FRY: variants seen among roughly 807,000 people sequenced by gnomAD.
FRY encodes protein furry homolog.
Under a neutral mutation model 348.4 loss-of-function variants are expected in FRY, and 128 were observed. The observed-to-expected ratio is 0.37, with a 90% CI of 0.32 to 0.43. The LOEUF (loss-of-function observed/expected upper bound fraction) is 0.43, where lower values mean the gene tolerates loss of function less well. Among genes scored for constraint, FRY ranks in the 20% least tolerant of loss-of-function variants. The pLI, the probability that FRY is intolerant of heterozygous loss-of-function variation, is 1.00. For synonymous variants in FRY, 1,370 were observed against 1,374.7 expected (o/e 1.00, Z 0.08); for missense variants, 2,736 against 3,695.2 (o/e 0.74, Z 6.73).
At chr13:32,262,545 C>T (rs2138547461) in intron 53 of FRY, 70 bp downstream of exon 53, 2 of 1,214,310 alleles carry the variant, frequency 1.6e-6, no homozygotes, top group East Asian at 4.6e-5. Flanking sequence ...TTCCAATTTT[C>T]TGAGAATTCT....
intron 1 of FRY, among the ~76,000 whole-genome samples, chr13:32,032,084 G>C (rs1228656440): frequency 6.7e-6 from 1 of 149,122 alleles, no homozygotes; most frequent in Non-Finnish European, 1.5e-5. Flanking sequence ...AAATGTCAGA[G>C]ACTGAACTAG....
At chr13:32,189,628 AAGAG>A (rs1382971393) in intron 28 of FRY, among the ~76,000 whole-genome samples, 2 of 152,016 alleles carry the variant, frequency 1.3e-5, no homozygotes, top group African/African-American at 2.4e-5. Flanking sequence ...TCAATCAAGA[AAGAG>A]AGAGTGACTT....
At chr13:32,295,081 A>G in intron 60 of FRY, 121 bp from the exon 61 acceptor site, 1 of 839,516 alleles carries the variant, frequency 1.2e-6, no homozygotes, top group Non-Finnish European at 2.0e-6. Flanking sequence ...TACCTGATAC[A>G]GGAATTCCAT....
chr13:32,243,927 TA>T (rs140654677), intron 46 of FRY, 114 bp from the exon 47 acceptor site: 9 of 1,220,316 alleles, frequency 7.4e-6, no homozygotes, highest in Non-Finnish European at 1.1e-5. Flanking sequence ...CCCCATCTCC[TA>T]AAAAAATAAA....
intron 1 of FRY, among the ~76,000 whole-genome samples, chr13:32,078,480 T>C (rs1875256108): frequency 6.6e-6 from 1 of 152,160 alleles, no homozygotes; most frequent in African/African-American, 2.4e-5. Context: ...TTCCCATATA[T>C]GTTTTCTACC....
In FRY at chr13:32,208,881, C is replaced by A; in HGVS notation, c.4047C>A (p.His1349Gln). The change falls in exon 32 of 61, where the codon CAC becomes CAA. Residue 1349 changes from histidine to glutamine, a missense_variant. Physicochemically the swap from His to Gln is conservative, Grantham distance 24. This residue lies in a region of FRY where 794 missense variants were observed against 977.0 expected (regional missense o/e 0.81). Transcript: ENST00000542859. ...SEVSQRFPTT[H>Q]PNGRQIMLTY... ...TAAGCCAGCGATTCCCCACAACACACCCCAACGGGCGCCAGATCATGCTTA... is the reference window on the plus strand; with the variant it reads ...TAAGCCAGCGATTCCCCACAACACAACCCAACGGGCGCCAGATCATGCTTA... 6.2e-7 allele frequency: 1 copy of A among 1,614,168 alleles called. No individual in the cohort carries two copies. Among genetic ancestry groups the A allele is most frequent in the Non-Finnish European group, 8.5e-7 (1 of 1,180,008 alleles).
At chr13:32,175,891 G>A (rs1044655362) in intron 20 of FRY, among the ~76,000 whole-genome samples, 9 of 152,248 alleles carry the variant, frequency 5.9e-5, no homozygotes, top group Middle Eastern at 6.8e-3. Context: ...GGATTCTTAA[G>A]GAAAATTACT....
In FRY at chr13:32,102,027, T is replaced by C. The variant is rs187314929; in HGVS notation, c.324+11T>C. 7.4e-5 allele frequency: 106 copies of C among 1,434,718 alleles called. No homozygotes were observed. Among genetic ancestry groups the C allele is most frequent in the Admixed American group, 2.2e-4 (13 of 59,810 alleles). 88.9% of individuals were successfully genotyped at this position (1,434,718 alleles called of 1,614,324 possible). A position where few individuals can be genotyped will look rare whatever the true frequency, so the allele number is the denominator to read the frequency against. On this transcript the variant is annotated intron_variant, in intron 3 of 60. Coordinates refer to ENST00000542859, the MANE Select transcript of FRY (RefSeq NM_023037.3). ...CCCCAATTTGATCAGGTATGTGATA[T>C]ATATGTTATATACTAGTTTTCCTTT...
chr13:32,054,424 C>CA (rs34132802), intron 1 of FRY, among the ~76,000 whole-genome samples: 88,331 of 150,462 alleles, frequency 0.59, 26,410 homozygotes, highest in Non-Finnish European at 0.65. Flanking sequence ...AAAACTAGAC[C>CA]AAAAAAAAAT....
At chr13:32,111,261 G>T (rs1349758125) in intron 3 of FRY, among the ~76,000 whole-genome samples, 1 of 152,096 alleles carries the variant, frequency 6.6e-6, no homozygotes, top group African/African-American at 2.4e-5. Context: ...GCTGAGGCAG[G>T]TGGCTCATTT....
intron 31 of FRY, among the ~76,000 whole-genome samples, chr13:32,204,853 TAC>T (rs1884260498): frequency 6.6e-6 from 1 of 152,192 alleles, no homozygotes; most frequent in African/African-American, 2.4e-5. Context: ...GTTTCAGAAA[TAC>T]AGAGGGAAAT....
At chr13:32,197,389 C>T (rs1161360344) in intron 29 of FRY, among the ~76,000 whole-genome samples, 4 of 152,102 alleles carry the variant, frequency 2.6e-5, no homozygotes, top group Non-Finnish European at 5.9e-5. Context: ...TTCATAAATC[C>T]CAATCACACT....
intron 29 of FRY, among the ~76,000 whole-genome samples, chr13:32,199,479 G>A (rs368700778): frequency 6.6e-6 from 1 of 152,174 alleles, no homozygotes; most frequent in African/African-American, 2.4e-5. Flanking sequence ...CATTGAAGGA[G>A]TATTTTGATG....
At chr13:32,231,873 C>T (rs1885934958) in intron 41 of FRY, among the ~76,000 whole-genome samples, 1 of 152,212 alleles carries the variant, frequency 6.6e-6, no homozygotes, top group African/African-American at 2.4e-5. Context: ...AATCCGGTTT[C>T]TCAACATGTT....
intron 2 of FRY, among the ~76,000 whole-genome samples, chr13:32,087,426 C>T (rs1023608332): frequency 1.3e-5 from 2 of 152,190 alleles, no homozygotes; most frequent in Admixed American, 1.3e-4. Context: ...CTCCTGTTAC[C>T]CCTAAAGTTA....
At chr13:32,051,832 A>G (rs1009032586) in intron 1 of FRY, among the ~76,000 whole-genome samples, 4 of 152,246 alleles carry the variant, frequency 2.6e-5, no homozygotes, top group Non-Finnish European at 4.4e-5. Flanking sequence ...ATATTCAGAA[A>G]GAATGAAGAT....
chr13:32,200,552 A>C (rs1382928279), intron 29 of FRY, among the ~76,000 whole-genome samples: 1 of 152,168 alleles, frequency 6.6e-6, no homozygotes, highest in Non-Finnish European at 1.5e-5. Context: ...ATGCCACTGC[A>C]CTCCAGCCTG....
chr13:32,102,075 A>T (rs571180086), intron 3 of FRY, 59 bp downstream of exon 3: 1 of 932,348 alleles, frequency 1.1e-6, no homozygotes, highest in African/African-American at 1.6e-5. Context: ...ACGCAAGGCA[A>T]GGTCTGCATG....
intron 29 of FRY, among the ~76,000 whole-genome samples, chr13:32,195,214 T>C (rs1243555629): frequency 6.6e-6 from 1 of 152,200 alleles, no homozygotes; most frequent in African/African-American, 2.4e-5. Context: ...ACATTTCATA[T>C]CTAAAGGTTT....
Sources: allele counts gnomAD v4.1 joint callset (sites outside exome capture counted in the v4.1 genomes callset), GRCh38; gene constraint gnomAD v4.1.1; regional missense constraint gnomAD v4.1.1; transcripts MANE v1.5; gene names NCBI Gene and HGNC (gene_info 2026-07-23, HGNC 2026-07-21).